Variants in MYOZ3 observed in about 807,000 individuals in gnomAD.
The protein encoded by MYOZ3 is myozenin-3.
Under a neutral mutation model 26.5 loss-of-function variants are expected in MYOZ3, and 19 were observed. The observed-to-expected ratio is 0.72, with a 90% CI of 0.50 to 1.05. The LOEUF (loss-of-function observed/expected upper bound fraction) is 1.05, where lower values mean the gene tolerates loss of function less well. Among genes scored for constraint, MYOZ3 ranks in the 50% least tolerant of loss-of-function variants. The pLI is 0.00. For synonymous variants in MYOZ3, 135 were observed against 138.8 expected, an observed-to-expected ratio of 0.97 and a Z score of 0.19; for missense variants, 322 against 337.1, an observed-to-expected ratio of 0.96 and a Z score of 0.35.
intron 6 of MYOZ3, among the ~76,000 whole-genome samples, chr5:150,674,093 C>T (rs1187472861): frequency 6.6e-6 from 1 of 152,208 alleles, no homozygotes; most frequent in Non-Finnish European, 1.5e-5. Flanking sequence ...TCTGAATAGG[C>T]AGAGACTTCC....
At chr5:150,670,101 A>G (rs1581534327) in intron 2 of MYOZ3, 1 of 159,350 alleles carries the variant, frequency 6.3e-6, no homozygotes, top group Non-Finnish European at 1.4e-5. Flanking sequence ...CTAAGGCCAG[A>G]AACCTTGCAG....
At position 150,676,691 on chromosome 5, in the gene MYOZ3, T is replaced by A; in HGVS notation, c.588-16T>A. On this transcript the variant is annotated splice_polypyrimidine_tract_variant and intron_variant, in intron 6 of 6. Coordinates refer to ENST00000517768, the MANE Select transcript of MYOZ3 (RefSeq NM_001122853.3). Reference sequence around the variant, plus strand: ...GTTCCACACAGCCCACCTCTCCTGCTGCTCTCTTTCTCCAGGACCCCGGTG... The same window carrying A: ...GTTCCACACAGCCCACCTCTCCTGCAGCTCTCTTTCTCCAGGACCCCGGTG... 1 of 1,612,088 alleles carries A rather than the reference T, an allele frequency of 6.2e-7. No homozygotes were observed. The highest frequency in any genetic ancestry group is 1.3e-5 in the African/African-American group (1 of 75,026).
rs1042551524 is a variant in MYOZ3, at chr5:150,678,404, C to T, written c.*1529C>T. 3 of 152,256 alleles carry T rather than the reference C, an allele frequency of 2.0e-5. No homozygotes were observed. Among genetic ancestry groups the T allele is most frequent in the Non-Finnish European group, 2.9e-5 (2 of 68,032 alleles). The allele number at this position is 152,256 out of a possible 1,614,324, so 9.4% of individuals were successfully genotyped here. ...CCCTGAGAGAAAGATATTGTTGTCCCCACTTTACAGATGTGGATATTTAGG... is the reference window on the plus strand; with the variant it reads ...CCCTGAGAGAAAGATATTGTTGTCCTCACTTTACAGATGTGGATATTTAGG... On this transcript the variant is annotated 3_prime_UTR_variant, in exon 7 of 7. Coordinates refer to ENST00000517768, the MANE Select transcript of MYOZ3 (RefSeq NM_001122853.3).
chr5:150,675,057 A>T (rs1028359580), intron 6 of MYOZ3, among the ~76,000 whole-genome samples: 2 of 152,182 alleles, frequency 1.3e-5, no homozygotes, highest in Non-Finnish European at 2.9e-5. Flanking sequence ...TTAAAATCAC[A>T]TACATAGGTT....
intron 2 of MYOZ3, among the ~76,000 whole-genome samples, chr5:150,663,926 G>A (rs1581530973): frequency 6.6e-6 from 1 of 151,756 alleles, no homozygotes; most frequent in East Asian, 1.9e-4. Context: ...CTAGGAGTTG[G>A]AGGCTATAGT....
chr5:150,671,882 T>C lies in MYOZ3; in HGVS notation c.398T>C (p.Val133Ala). Residue 133 changes from valine to alanine, a missense_variant, in exon 5 of 7, where the codon GTC (valine) becomes GCC (alanine). Val to Ala is a moderately conservative substitution (Grantham distance 64, BLOSUM62 0). Transcript: ENST00000517768. Reference sequence around the variant, plus strand: ...CCTGCAGCCGCCCCTGCTGGGTGCGTCCCCAGCCCCAGCGCCCTGGCGCCA... The same window carrying C: ...CCTGCAGCCGCCCCTGCTGGGTGCGCCCCCAGCCCCAGCGCCCTGGCGCCA... ...AHPAAAPAGC[V>A]PSPSALAPGY... 2 of 1,576,606 alleles carry C rather than the reference T, an allele frequency of 1.3e-6. No homozygotes were observed. The highest frequency in any genetic ancestry group is 1.7e-6 in the Non-Finnish European group (2 of 1,165,880).
At chr5:150,676,587 G>T in intron 6 of MYOZ3, 120 bp from the exon 7 acceptor site, 85 of 611,786 alleles carry the variant, frequency 1.4e-4, no homozygotes, top group Non-Finnish European at 2.1e-4. Flanking sequence ...TTGCTGTATA[G>T]AAGGGAAAAC....
chr5:150,666,613 C>CAA (rs1225832285), intron 2 of MYOZ3, among the ~76,000 whole-genome samples: 146 of 104,094 alleles, frequency 1.4e-3, no homozygotes, highest in African/African-American at 3.1e-3. Flanking sequence ...GACTCTGTCT[C>CAA]AAAAAAAAAA....
At chr5:150,672,691 A>T in intron 6 of MYOZ3, 189 bp downstream of exon 6, 1 of 620,000 alleles carries the variant, frequency 1.6e-6, no homozygotes, top group Non-Finnish European at 2.7e-6. Flanking sequence ...TTAACGTGGG[A>T]GAAATGAAGA....
chr5:150,670,470 G>C lies in MYOZ3; in HGVS notation c.62-14G>C. 1 of 1,600,980 alleles carries C rather than the reference G, an allele frequency of 6.2e-7. No homozygotes were observed. The highest frequency in any genetic ancestry group is 8.5e-7 in the Non-Finnish European group (1 of 1,172,552). On this transcript the variant is annotated splice_polypyrimidine_tract_variant and intron_variant, in intron 2 of 6. Coordinates refer to ENST00000517768, the MANE Select transcript of MYOZ3 (RefSeq NM_001122853.3). ...GATGGGGTGGTGAGAGCCCGCTCTG[G>C]CCTTTCCTGGCAGTCCCTACGCTGG...
At chr5:150,665,774 G>A (rs539950903) in intron 2 of MYOZ3, among the ~76,000 whole-genome samples, 63 of 151,226 alleles carry the variant, frequency 4.2e-4, no homozygotes, top group South Asian at 1.3e-3. Context: ...GGTGGCTCAC[G>A]CCTGTAATCC....
chr5:150,668,810 T>G (rs543733449), intron 2 of MYOZ3, among the ~76,000 whole-genome samples: 7 of 152,302 alleles, frequency 4.6e-5, no homozygotes, highest in African/African-American at 1.4e-4. Context: ...AGAACAGCCA[T>G]CACCCTGAAA....
intron 3 of MYOZ3, among the ~76,000 whole-genome samples, chr5:150,671,184 TGA>T (rs528278633): frequency 7.4e-4 from 112 of 152,286 alleles, no homozygotes; most frequent in African/African-American, 2.5e-3. Context: ...AGGAGGCAAC[TGA>T]GAGGGAGTGA....
At chr5:150,670,820 C>A in intron 3 of MYOZ3, 182 bp downstream of exon 3, 5 of 237,842 alleles carry the variant, frequency 2.1e-5, no homozygotes, top group Non-Finnish European at 3.4e-5. Context: ...GGATACAGAA[C>A]AAAGTAAACA....
rs1048921639 is a variant in MYOZ3, at chr5:150,671,846, A to G, written c.362A>G (p.Glu121Gly). 1.9e-6 allele frequency: 3 copies of G among 1,606,854 alleles called. No homozygotes were observed. The highest frequency in any genetic ancestry group is 3.3e-4 in the Middle Eastern group (2 of 6,046). The change falls in exon 5 of 7, where the codon GAG becomes GGG. Residue 121 changes from glutamate (E) to glycine (G), a missense_variant. By Grantham distance (98) the Glu-to-Gly change is moderately conservative. Transcript: ENST00000517768. ...ASPGASLGGP[E>G]GAHPAAAPAG... Reference sequence around the variant, plus strand: ...CCCGGGGCCTCACTCGGGGGTCCCGAGGGCGCCCACCCTGCAGCCGCCCCT... The same window carrying G: ...CCCGGGGCCTCACTCGGGGGTCCCGGGGGCGCCCACCCTGCAGCCGCCCCT...
Position 150,677,092 on chromosome 5 carries a change from A to G in MYOZ3, c.*217A>G. On this transcript the variant is annotated 3_prime_UTR_variant, in exon 7 of 7. Coordinates refer to ENST00000517768, the MANE Select transcript of MYOZ3 (RefSeq NM_001122853.3). ...CAAATCCAGACAACTGGACTGTCCC[A>G]GACTTGCAGCATCAGAGTCTCCTGA... 1 of 524,164 alleles carries G rather than the reference A, an allele frequency of 1.9e-6. No individual in the cohort carries two copies. Among genetic ancestry groups the G allele is most frequent in the Non-Finnish European group, 3.4e-6 (1 of 293,258 alleles). The allele number at this position is 524,164 out of a possible 1,614,324, so 32.5% of individuals were successfully genotyped here.
At position 150,676,940 on chromosome 5, in the gene MYOZ3, G is replaced by A; in HGVS notation, c.*65G>A. The A allele has an allele frequency of 6.6e-7, 1 of 1,510,630 alleles. No individual in the cohort carries two copies. The highest frequency in any genetic ancestry group is 9.0e-7 in the Non-Finnish European group (1 of 1,112,736). 93.6% of individuals were successfully genotyped at this position (1,510,630 alleles called of 1,614,324 possible). On this transcript the variant is annotated 3_prime_UTR_variant, in exon 7 of 7. Transcript: ENST00000517768. ...GGTAACATCCGGAGCCAAGACTTGT[G>A]GACAGCACTTCACAGTTGAAGAAGG... is the stretch of plus-strand genomic sequence containing the variant.
intron 2 of MYOZ3, among the ~76,000 whole-genome samples, chr5:150,665,747 T>C (rs531884938): frequency 6.6e-6 from 1 of 151,936 alleles, no homozygotes; most frequent in Non-Finnish European, 1.5e-5. Flanking sequence ...TTTTAAATAT[T>C]GAGCTCAGCT....
chr5:150,674,866 T>C (rs1758978471), intron 6 of MYOZ3, among the ~76,000 whole-genome samples: 1 of 152,118 alleles, frequency 6.6e-6, no homozygotes, highest in African/African-American at 2.4e-5. Context: ...AAAAATTAGC[T>C]GGGCTTCTTG....
Sources: gnomAD v4.1 joint callset for allele counts (sites outside exome capture counted in the v4.1 genomes callset) on GRCh38, gnomAD v4.1.1 for gene constraint, MANE v1.5 for transcripts, NCBI Gene and HGNC (gene_info 2026-07-23, HGNC 2026-07-21) for gene names.